Variants in FBXO44 observed in about 807,000 individuals in gnomAD.
The protein encoded by FBXO44 is F-box protein 44.
Under a neutral mutation model 33.5 loss-of-function variants are expected in FBXO44, and 25 were observed. That is an observed-to-expected ratio of 0.75 (90% CI 0.54 to 1.04). FBXO44 has a LOEUF of 1.04. Among genes scored for constraint, FBXO44 ranks in the 50% least tolerant of loss-of-function variants. The pLI is 0.00. For synonymous variants in FBXO44, 147 were observed against 152.8 expected, an observed-to-expected ratio of 0.96 and a Z score of 0.28; for missense variants, 311 against 344.0, an observed-to-expected ratio of 0.90 and a Z score of 0.76.
At chr1:11,655,088 G>T in intron 1 of FBXO44, 136 bp downstream of exon 1, 1 of 151,936 alleles carries the variant, frequency 6.6e-6, no homozygotes, top group South Asian at 2.0e-4. Context: ...CCAGGCCGCC[G>T]AGCTTGCCCG....
At chr1:11,656,440 G>A (rs867034524) in intron 2 of FBXO44, among the ~76,000 whole-genome samples, 1 of 148,976 alleles carries the variant, frequency 6.7e-6, no homozygotes, top group African/African-American at 2.5e-5. Context: ...TGGGATTACA[G>A]GCATGTGCCA....
rs1334106235 is a variant in FBXO44, at chr1:11,663,309, T to G, written c.*2036T>G. ...TATGGAACTATAAGTCAATTAAACC[T>G]CTTTCCTTTTATAAATCACCCAGTC... On this transcript the variant is annotated 3_prime_UTR_variant, in exon 6 of 6. Transcript: ENST00000251547. 6.6e-6 allele frequency: 1 copy of G among 152,238 alleles called. No individual in the cohort carries two copies. Among genetic ancestry groups the G allele is most frequent in the Non-Finnish European group, 1.5e-5 (1 of 68,058 alleles). 9.4% of individuals were successfully genotyped at this position (152,238 alleles called of 1,614,324 possible). A position where few individuals can be genotyped will look rare whatever the true frequency, so the allele number is the denominator to read the frequency against.
At chr1:11,659,482 A>ATTTG (rs376031830) in intron 5 of FBXO44, among the ~76,000 whole-genome samples, 20 of 152,212 alleles carry the variant, frequency 1.3e-4, no homozygotes, top group South Asian at 4.1e-4. Context: ...GTCAGCAAAT[A>ATTTG]TTTGTTTGTT....
At position 11,661,077 on chromosome 1, in the gene FBXO44, C is replaced by T; in HGVS notation, c.625-53C>T. ...GGATTCCCGGTGTGAGCCGCCACAC[C>T]CAGCCTGAGTCAGCTCCCTTGACCT... On this transcript the variant is annotated intron_variant, in intron 5 of 5. Transcript: ENST00000251547. This position sits in a 1 kb window ranked among gnomAD's most constrained non-coding sequence, Gnocchi z 4.4. 2 of 1,553,206 alleles carry T rather than the reference C, an allele frequency of 1.3e-6. No individual in the cohort carries two copies. The highest frequency in any genetic ancestry group is 1.8e-5 in the Admixed American group (1 of 56,554).
chr1:11,658,114 T>C (rs1161232499), intron 2 of FBXO44, among the ~76,000 whole-genome samples, 153 bp from the exon 3 acceptor site: 1 of 152,128 alleles, frequency 6.6e-6, no homozygotes, highest in Admixed American at 6.5e-5. Context: ...AAGCACCTAA[T>C]ACGCGGTGGG....
chr1:11,655,648 A>G, intron 1 of FBXO44, 158 bp from the exon 2 acceptor site: 1 of 668,364 alleles, frequency 1.5e-6, no homozygotes, highest in Non-Finnish European at 2.5e-6. Flanking sequence ...ACCTTTTATT[A>G]AAGTACCTGA....
At chr1:11,658,985 G>T in intron 5 of FBXO44, 114 bp downstream of exon 5, 1 of 1,340,006 alleles carries the variant, frequency 7.5e-7, no homozygotes, top group Non-Finnish European at 1.0e-6. Flanking sequence ...TGCTTCCAAT[G>T]CTCTGAGCTT....
chr1:11,662,642 G>T lies in FBXO44; in HGVS notation c.*1369G>T, dbSNP rs964318654. The T allele has an allele frequency of 6.6e-6, 1 of 152,388 alleles. No individual in the cohort carries two copies. Among genetic ancestry groups the T allele is most frequent in the South Asian group, 2.1e-4 (1 of 4,830 alleles). The allele number at this position is 152,388 out of a possible 1,614,324, so 9.4% of individuals were successfully genotyped here. A position where few individuals can be genotyped will look rare whatever the true frequency, so the allele number is the denominator to read the frequency against. ...GCCAACAGCTTTACGGACATTGGAT[G>T]AAGCCGAAGCATTTAGAATGGTGCC... is the stretch of plus-strand genomic sequence containing the variant. On this transcript the variant is annotated 3_prime_UTR_variant, in exon 6 of 6. Transcript: ENST00000251547.
chr1:11,660,686 G>T (rs1640122981), intron 5 of FBXO44, among the ~76,000 whole-genome samples: 1 of 152,162 alleles, frequency 6.6e-6, no homozygotes, highest in African/African-American at 2.4e-5. Context: ...CTGATTTCTA[G>T]CTGGCACCAA....
intron 2 of FBXO44, among the ~76,000 whole-genome samples, chr1:11,656,525 G>A (rs1019090179): frequency 3.3e-5 from 5 of 150,436 alleles, no homozygotes; most frequent in African/African-American, 9.8e-5. Flanking sequence ...GCAATGGTGC[G>A]ATCTCGGCTC....
rs1640173564 is a variant in FBXO44 at position 11,661,276 on chromosome 1, C to G, written c.*3C>G. On this transcript the variant is annotated 3_prime_UTR_variant, in exon 6 of 6. Coordinates refer to ENST00000251547, the MANE Select transcript of FBXO44 (RefSeq NM_033182.7). The surrounding 1 kb of genome is among the most constrained non-coding windows in gnomAD (Gnocchi z 4.4). ...CCATCGGGCCCCCGCTGCCCTGACA[C>G]CCCCTGAGCCCCCATCTGCTGAACC... is the stretch of plus-strand genomic sequence containing the variant. The G allele has an allele frequency of 6.2e-7, 1 of 1,614,046 alleles. No homozygotes were observed. Among genetic ancestry groups the G allele is most frequent in the African/African-American group, 1.3e-5 (1 of 75,026 alleles).
rs1640261646 is a variant in FBXO44 at position 11,662,823 on chromosome 1, G to A, written c.*1550G>A. 6.6e-6 allele frequency: 1 copy of A among 152,202 alleles called. No homozygotes were observed. Among genetic ancestry groups the A allele is most frequent in the Non-Finnish European group, 1.5e-5 (1 of 68,072 alleles). 9.4% of individuals were successfully genotyped at this position (152,202 alleles called of 1,614,324 possible). On this transcript the variant is annotated 3_prime_UTR_variant, in exon 6 of 6. Transcript: ENST00000251547. ...ATGCTGTTCTCATGATAGTGAGTGA[G>A]TTCTCACGAGATCTGATGGTTTTAC...
chr1:11,658,463 A>G, intron 3 of FBXO44, 70 bp downstream of exon 3: 1 of 1,610,824 alleles, frequency 6.2e-7, no homozygotes, highest in Non-Finnish European at 8.5e-7. Context: ...CCACCCTGGA[A>G]GGGGCAGTCC....
At chr1:11,657,387 T>A (rs1021725605) in intron 2 of FBXO44, among the ~76,000 whole-genome samples, 4 of 151,904 alleles carry the variant, frequency 2.6e-5, no homozygotes, top group African/African-American at 9.7e-5. Flanking sequence ...AGCTGAGTAC[T>A]GGTAGAGCTG....
At chr1:11,660,625 A>C (rs1008994832) in intron 5 of FBXO44, among the ~76,000 whole-genome samples, 3 of 152,200 alleles carry the variant, frequency 2.0e-5, no homozygotes, top group Non-Finnish European at 4.4e-5. Flanking sequence ...ACTGAAGCAC[A>C]GAGAAAGGAA....
At chr1:11,659,305 G>A (rs1640031948) in intron 5 of FBXO44, among the ~76,000 whole-genome samples, 1 of 152,146 alleles carries the variant, frequency 6.6e-6, no homozygotes, top group Non-Finnish European at 1.5e-5. Flanking sequence ...TTGAATCCAG[G>A]AGGCGGAGGT....
chr1:11,660,179 T>C (rs1362548056), intron 5 of FBXO44, among the ~76,000 whole-genome samples: 2 of 152,254 alleles, frequency 1.3e-5, no homozygotes, highest in African/African-American at 4.8e-5. Context: ...TTTTTCTTTT[T>C]TGAGACGGAG....
chr1:11,658,675 G>GCCCCCCCCCC, intron 4 of FBXO44, 47 bp downstream of exon 4: 2 of 1,594,526 alleles, frequency 1.3e-6, no homozygotes, highest in Non-Finnish European at 8.5e-7. Flanking sequence ...CCAATCAGGC[G>GCCCCCCCCCC]CCCCACCCCC....
chr1:11,659,905 G>A (rs1461838229), intron 5 of FBXO44, among the ~76,000 whole-genome samples: 1 of 152,240 alleles, frequency 6.6e-6, no homozygotes, highest in Non-Finnish European at 1.5e-5. Flanking sequence ...TGTGAAAACA[G>A]CTCTAGACAA....
Sources: gnomAD v4.1 joint callset for allele counts (sites outside exome capture counted in the v4.1 genomes callset) on GRCh38, gnomAD v4.1.1 for gene constraint, Gnocchi (gnomAD v3.1) non-coding constraint, MANE v1.5 for transcripts, NCBI Gene and HGNC (gene_info 2026-07-23, HGNC 2026-07-21) for gene names.